Variants in CACNA1G observed in about 807,000 individuals in gnomAD.
The protein encoded by CACNA1G is voltage-dependent T-type calcium channel subunit alpha-1G.
CACNA1G carries 67 observed loss-of-function variants against 219.4 expected under a neutral mutation model. That is an observed-to-expected ratio of 0.31 (90% CI 0.25 to 0.37). The LOEUF is 0.37. Ranked by LOEUF, CACNA1G falls within the 10% of genes least tolerant of loss-of-function variation. The probability of loss-of-function intolerance (pLI) is 1.00; values close to 1 mark genes in which losing one functional copy is unlikely to be tolerated. For synonymous variants in CACNA1G, 1,296 were observed against 1,345.3 expected, an observed-to-expected ratio of 0.96 and a Z score of 0.80; for missense variants, 2,380 against 3,231.4, an observed-to-expected ratio of 0.74 and a Z score of 6.39.
rs80315135 is a variant in CACNA1G at position 50,621,007 on chromosome 17, G to T, written c.5926-653G>T. On this transcript the variant is annotated intron_variant, in intron 34 of 37. Coordinates refer to ENST00000359106, the MANE Select transcript of CACNA1G (RefSeq NM_018896.5). This position sits in a 1 kb window ranked among gnomAD's most constrained non-coding sequence, Gnocchi z 4.6. ...AGCCAGATGGTGTGGCAGCCCACCC[G>T]AGTGCGCCCACTTCAGGCTAACGGG... is the stretch of plus-strand genomic sequence containing the variant. Among the ~76,000 whole-genome samples the T allele has an allele frequency of 3.5e-4, 53 of 152,294 alleles. No individual in the cohort carries two copies. Among genetic ancestry groups the T allele is most frequent in the Middle Eastern group, 3.4e-3 (1 of 294 alleles).
At chr17:50,601,313 C>T (rs933607483) in intron 19 of CACNA1G, 139 bp downstream of exon 19, 2 of 1,046,698 alleles carry the variant, frequency 1.9e-6, no homozygotes, top group Admixed American at 2.6e-5. Flanking sequence ...TCCTTTAGGT[C>T]TCTCACCAGA....
chr17:50,580,949 G>T (rs556208784), intron 9 of CACNA1G, among the ~76,000 whole-genome samples: 4 of 152,204 alleles, frequency 2.6e-5, no homozygotes, highest in Admixed American at 2.6e-4. Context: ...GGTTGCCAGG[G>T]AAGGCAGCAA....
chr17:50,619,808 G>C lies in CACNA1G; in HGVS notation c.5907G>C (p.Leu1969=). ...CTGCCTTCCCTTCTGCCCCCAGCCT[G>C]GGAGGCTCCGACCCACAGGTTACTG... ...QPSAFPSAPS[L]GGSDPQIPLA... is the part of the protein sequence containing the mutation. The change falls in exon 34 of 38, where the codon CTG becomes CTC. Residue 1969 remains leucine (L), a synonymous_variant. Coordinates refer to ENST00000359106, the MANE Select transcript of CACNA1G (RefSeq NM_018896.5). 6.2e-7 allele frequency: 1 copy of C among 1,605,502 alleles called. No homozygotes were observed. The highest frequency in any genetic ancestry group is 1.1e-5 in the South Asian group (1 of 90,006).
chr17:50,613,624 T>A (rs1042965840), intron 26 of CACNA1G, among the ~76,000 whole-genome samples: 26 of 152,360 alleles, frequency 1.7e-4, no homozygotes, highest in Non-Finnish European at 2.9e-4. Context: ...ATGGGGCTAA[T>A]AAGGAGCCGC....
intron 9 of CACNA1G, among the ~76,000 whole-genome samples, chr17:50,584,814 T>C (rs1436542111): frequency 6.6e-6 from 1 of 151,468 alleles, no homozygotes; most frequent in Non-Finnish European, 1.5e-5. Flanking sequence ...TCCAGAAGGA[T>C]TGAGGCAGCT....
In CACNA1G at chr17:50,617,946, G is replaced by A; in HGVS notation, c.5226+17G>A. 1.2e-6 allele frequency: 2 copies of A among 1,613,558 alleles called. No homozygotes were observed. The highest frequency in any genetic ancestry group is 1.3e-5 in the African/African-American group (1 of 75,054). On this transcript the variant is annotated intron_variant, in intron 30 of 37. Coordinates refer to ENST00000359106, the MANE Select transcript of CACNA1G (RefSeq NM_018896.5). This position sits in a 1 kb window ranked among gnomAD's most constrained non-coding sequence, Gnocchi z 5.8. The stretch of plus-strand genomic sequence containing the variant: ...CTGCCCCAGGTAGCCGGGAGGTGGG[G>A]GGCCTCTGGGGAGGGGGAGGTGCTT...
At chr17:50,569,140 C>T in intron 2 of CACNA1G, 25 bp from the exon 3 acceptor site, 2 of 1,610,036 alleles carry the variant, frequency 1.2e-6, no homozygotes, top group Non-Finnish European at 1.7e-6. Context: ...GTCTCAGTTT[C>T]AGCCACCTCT....
At chr17:50,577,785 A>G (rs1337259286) in intron 8 of CACNA1G, among the ~76,000 whole-genome samples, 1 of 151,942 alleles carries the variant, frequency 6.6e-6, no homozygotes, top group Non-Finnish European at 1.5e-5. Context: ...TGTGTGTGCA[A>G]GTGCACGTGT....
At chr17:50,565,938 CT>C (rs1019947923) in intron 1 of CACNA1G, among the ~76,000 whole-genome samples, 1 of 152,152 alleles carries the variant, frequency 6.6e-6, no homozygotes, top group Non-Finnish European at 1.5e-5. Context: ...CTCCTACCCC[CT>C]CTTTGGGATC....
chr17:50,615,973 T>A (rs1007496088), intron 27 of CACNA1G, among the ~76,000 whole-genome samples: 1 of 152,220 alleles, frequency 6.6e-6, no homozygotes, highest in African/African-American at 2.4e-5. Context: ...GAATTTGTAA[T>A]GCACAAGGCC....
chr17:50,604,498 C>CTTCAGGCCATGGGGGCTGCA (rs1567706273), intron 22 of CACNA1G, among the ~76,000 whole-genome samples: 1 of 152,198 alleles, frequency 6.6e-6, no homozygotes, highest in African/African-American at 2.4e-5. Flanking sequence ...CCGGGGCTGC[C>CTTCAGGCCATGGGGGCTGCA]GAGAGGCTTC....
intron 24 of CACNA1G, chr17:50,607,473 A>G (rs2048182281): frequency 3.1e-6 from 1 of 324,364 alleles, no homozygotes; most frequent in Non-Finnish European, 5.8e-6. Flanking sequence ...AGCCTAAGCA[A>G]TAGAACAAGA....
Position 50,617,469 on chromosome 17 carries a change from C to A in CACNA1G, c.5053C>A (p.Leu1685Met). The change falls in exon 29 of 38, where the codon CTG becomes ATG. Residue 1685 changes from leucine (L) to methionine (M), a missense_variant. By Grantham distance (15) the Leu-to-Met change is conservative (BLOSUM62 2). Coordinates refer to ENST00000359106, the MANE Select transcript of CACNA1G (RefSeq NM_018896.5). This position sits in a 1 kb window ranked among gnomAD's most constrained non-coding sequence, Gnocchi z 5.8. ...CCAGCTGGACCTGGCCATTGTGCTG[C>A]TGTCCATCATGGGCATCACGCTGGA... ...WNQLDLAIVL[L>M]SIMGITLEEI... is the part of the protein sequence containing the mutation. The A allele has an allele frequency of 6.2e-7, 1 of 1,613,922 alleles. No homozygotes were observed. The highest frequency in any genetic ancestry group is 8.5e-7 in the Non-Finnish European group (1 of 1,179,844).
chr17:50,627,425 A>G lies in CACNA1G; in HGVS notation c.*674A>G, dbSNP rs1336739270. The stretch of plus-strand genomic sequence containing the variant: ...TTTATATATACATACATACATATCT[A>G]TCTATCTATCTATATATATATAAAA... On this transcript the variant is annotated 3_prime_UTR_variant, in exon 38 of 38. Coordinates refer to ENST00000359106, the MANE Select transcript of CACNA1G (RefSeq NM_018896.5). 5.1e-5 allele frequency: 17 copies of G among 330,732 alleles called. No individual in the cohort carries two copies. The highest frequency in any genetic ancestry group is 9.4e-5 in the Non-Finnish European group (16 of 170,772). The allele number at this position is 330,732 out of a possible 1,614,324, so 20.5% of individuals were successfully genotyped here.
chr17:50,599,313 C>A, intron 16 of CACNA1G, 115 bp from the exon 17 acceptor site: 3 of 974,082 alleles, frequency 3.1e-6, no homozygotes, highest in South Asian at 1.7e-5. Context: ...AGAGCTCCTG[C>A]TCACATCCCT....
At chr17:50,613,451 G>A (rs577117955) in intron 26 of CACNA1G, among the ~76,000 whole-genome samples, 30 of 152,094 alleles carry the variant, frequency 2.0e-4, no homozygotes, top group African/African-American at 6.8e-4. Flanking sequence ...GGAGGGTCCC[G>A]GCTGAATTGA....
At chr17:50,565,047 C>T (rs1042150451) in intron 1 of CACNA1G, among the ~76,000 whole-genome samples, 1 of 152,002 alleles carries the variant, frequency 6.6e-6, no homozygotes, top group African/African-American at 2.4e-5. Context: ...CGCCTGCTCC[C>T]GCCCAGCACT....
intron 9 of CACNA1G, among the ~76,000 whole-genome samples, chr17:50,580,937 G>A (rs957870477): frequency 6.6e-6 from 1 of 152,130 alleles, no homozygotes; most frequent in Non-Finnish European, 1.5e-5. Flanking sequence ...CTGGGAGTGG[G>A]GGGTTGCCAG....
In CACNA1G at chr17:50,596,579, C is replaced by T. The variant is rs202154530; in HGVS notation, c.2997C>T (p.Ser999=). 22 of 1,613,782 alleles carry T rather than the reference C, an allele frequency of 1.4e-5. No individual in the cohort carries two copies. The highest frequency in any genetic ancestry group is 1.6e-5 in the Non-Finnish European group (19 of 1,179,838). The change falls in exon 15 of 38, where the codon TCC becomes TCT. Residue 999 remains serine, a synonymous_variant. Coordinates refer to ENST00000359106, the MANE Select transcript of CACNA1G (RefSeq NM_018896.5). This position sits in a 1 kb window ranked among gnomAD's most constrained non-coding sequence, Gnocchi z 4.8. ...TGCCCTAGGGAGATGCCAACAAGTCCGAATCAGAGCCCGATTTCTTCTCAC... is the reference window on the plus strand; with the variant it reads ...TGCCCTAGGGAGATGCCAACAAGTCTGAATCAGAGCCCGATTTCTTCTCAC... ...VDSQGGDANK[S]ESEPDFFSPS...
Sources: gnomAD v4.1 joint callset for allele counts (sites outside exome capture counted in the v4.1 genomes callset) on GRCh38, gnomAD v4.1.1 for gene constraint, Gnocchi (gnomAD v3.1) non-coding constraint, MANE v1.5 for transcripts, NCBI Gene and HGNC (gene_info 2026-07-23, HGNC 2026-07-21) for gene names.